The following JAK2 variants were observed in gnomAD, a reference collection of about 807,000 sequenced individuals.
JAK2 encodes the protein Janus kinase 2.
JAK2 carries 86 observed loss-of-function variants against 139.3 expected under a neutral mutation model. The ratio of observed to expected loss-of-function variants is 0.62; its 90% CI spans 0.52 to 0.74. JAK2 has a LOEUF of 0.74. Ranked by LOEUF, JAK2 falls within the 30% of genes least tolerant of loss-of-function variation. JAK2 has a pLI of 0.00. For synonymous variants in JAK2, 490 were observed against 437.7 expected (o/e 1.12, Z -1.49); for missense variants, 1,421 against 1,360.3 (o/e 1.04, Z -0.70).
At chr9:4,995,084 C>G (rs1158921800) in intron 2 of JAK2, among the ~76,000 whole-genome samples, 1 of 152,152 alleles carries the variant, frequency 6.6e-6, no homozygotes, top group Non-Finnish European at 1.5e-5. Context: ...CCTTTACTAA[C>G]ATTGTGTTTT....
chr9:5,045,724 C>A (rs1413460078), intron 5 of JAK2, among the ~76,000 whole-genome samples: 1 of 152,160 alleles, frequency 6.6e-6, no homozygotes, highest in African/African-American at 2.4e-5. Context: ...CAGGTTCATC[C>A]ATGTTGTAGC....
rs1383887415 is a variant in JAK2 at position 5,050,797 on chromosome 9, G to A, written c.580G>A (p.Asp194Asn). The change falls in exon 6 of 25, where the codon GAT becomes AAT. Residue 194 changes from aspartate (D) to asparagine (N), a missense_variant. Asp to Asn is a conservative substitution (Grantham distance 23). Transcript: ENST00000381652. ...TATGATGAGAATAGCCAAAGAAAAC[G>A]ATCAAACCCCACTGGCCATCTATAA... The part of the protein sequence containing the change: ...LDMMRIAKEN[D>N]QTPLAIYNSI... The A allele has an allele frequency of 3.7e-6, 6 of 1,613,560 alleles. No individual in the cohort carries two copies. The highest frequency in any genetic ancestry group is 1.7e-5 in the Admixed American group (1 of 59,942).
chr9:5,044,490 T>G lies in JAK2; in HGVS notation c.438T>G (p.Asp146Glu). The change falls in exon 5 of 25, where the codon GAT (aspartate) becomes GAG (glutamate). Residue 146 changes from aspartate to glutamate, a missense_variant. Physicochemically the swap from Asp to Glu is conservative, Grantham distance 45. Coordinates refer to ENST00000381652, the MANE Select transcript of JAK2 (RefSeq NM_004972.4). The part of the protein sequence containing the change: ...ISRGAEAPLL[D>E]DFVMSYLFAQ... ...GAGGTGCTGAAGCTCCTCTTCTTGA[T>G]GACTTTGTCATGTCTTACCTCTTTG... 6.2e-7 allele frequency: 1 copy of G among 1,611,230 alleles called. No individual in the cohort carries two copies. The highest frequency in any genetic ancestry group is 8.5e-7 in the Non-Finnish European group (1 of 1,178,044).
At chr9:5,114,394 T>G (rs1822947030) in intron 22 of JAK2, 1 of 516,014 alleles carries the variant, frequency 1.9e-6, no homozygotes, top group Non-Finnish European at 3.8e-6. Flanking sequence ...ACCCTGCTGG[T>G]GGGCACCAGA....
At chr9:5,085,891 G>T in intron 19 of JAK2, 1 of 838,410 alleles carries the variant, frequency 1.2e-6, no homozygotes, top group Non-Finnish European at 2.1e-6. Context: ...GATATGAGCG[G>T]TTCCTTTCTA....
intron 4 of JAK2, among the ~76,000 whole-genome samples, chr9:5,033,933 G>A (rs138051176): frequency 6.6e-6 from 1 of 152,126 alleles, no homozygotes; most frequent in African/African-American, 2.4e-5. Context: ...CCAATTAAAA[G>A]ACACAGACTG....
chr9:5,125,625 T>C (rs1404054784), intron 23 of JAK2, among the ~76,000 whole-genome samples: 1 of 151,588 alleles, frequency 6.6e-6, no homozygotes, highest in Admixed American at 6.6e-5. Context: ...CAGCAATGCA[T>C]AGGGATGTAC....
At chr9:5,118,381 T>C (rs188498123) in intron 22 of JAK2, among the ~76,000 whole-genome samples, 1 of 152,220 alleles carries the variant, frequency 6.6e-6, no homozygotes, top group Non-Finnish European at 1.5e-5. Flanking sequence ...AACCAAGATA[T>C]GTATATAAGT....
chr9:5,007,178 C>G (rs1199630694), intron 2 of JAK2, among the ~76,000 whole-genome samples: 1 of 151,948 alleles, frequency 6.6e-6, no homozygotes. Flanking sequence ...GTTGCAACTT[C>G]TTGAAATGAA....
chr9:5,041,766 C>T (rs753653509), intron 4 of JAK2: 1 of 489,084 alleles, frequency 2.0e-6, no homozygotes. Flanking sequence ...CCACACCGAC[C>T]TGCCCTCCCA....
intron 2 of JAK2, among the ~76,000 whole-genome samples, chr9:5,002,625 G>A (rs1280569982): frequency 6.6e-6 from 1 of 151,876 alleles, no homozygotes; most frequent in Non-Finnish European, 1.5e-5. Context: ...ATTGTGTTCT[G>A]TAAATGTCAG....
At chr9:4,999,301 T>A (rs1227806794) in intron 2 of JAK2, among the ~76,000 whole-genome samples, 1 of 152,220 alleles carries the variant, frequency 6.6e-6, no homozygotes, top group Non-Finnish European at 1.5e-5. Flanking sequence ...AGTGAAAGAA[T>A]CATGACATTG....
At chr9:5,117,433 G>C (rs1473218424) in intron 22 of JAK2, among the ~76,000 whole-genome samples, 1 of 151,948 alleles carries the variant, frequency 6.6e-6, no homozygotes, top group East Asian at 1.9e-4. Context: ...GGGACTTTAG[G>C]GTGTCTGTGA....
intron 2 of JAK2, among the ~76,000 whole-genome samples, chr9:5,005,083 A>ATTTTTTTTTTT (rs527982744): frequency 5.0e-5 from 2 of 40,034 alleles, no homozygotes; most frequent in African/African-American, 1.0e-4. Flanking sequence ...TGCCTGGCTA[A>ATTTTTTTTTTT]TTTTTTTTTT....
At position 5,069,210 on chromosome 9, in the gene JAK2, T is replaced by G; in HGVS notation, c.1513+2T>G. ...AATGCTGTCCCCCAAAGCCAAAAGGTAAGATAATTTTCTAGTTATTTTTAA... is the reference window on the plus strand; with the variant it reads ...AATGCTGTCCCCCAAAGCCAAAAGGGAAGATAATTTTCTAGTTATTTTTAA... On this transcript the variant is annotated splice_donor_variant, in intron 11 of 24. Coordinates refer to ENST00000381652, the MANE Select transcript of JAK2 (RefSeq NM_004972.4). LOFTEE classifies it high-confidence loss of function. 6.3e-7 allele frequency: 1 copy of G among 1,589,316 alleles called. No individual in the cohort carries two copies. The highest frequency in any genetic ancestry group is 8.6e-7 in the Non-Finnish European group (1 of 1,166,562).
intron 10 of JAK2, 71 bp downstream of exon 10, chr9:5,066,860 C>T: frequency 3.2e-6 from 2 of 615,544 alleles, no homozygotes. Flanking sequence ...TATTTATTTA[C>T]CATATTTCCT....
rs774495851 is a variant in JAK2 at position 5,089,710 on chromosome 9, C to T, written c.2608C>T (p.Pro870Ser). The T allele has an allele frequency of 2.0e-6, 3 of 1,520,036 alleles. No homozygotes were observed. The highest frequency in any genetic ancestry group is 2.6e-6 in the Non-Finnish European group (3 of 1,132,220). 94.2% of individuals were successfully genotyped at this position (1,520,036 alleles called of 1,614,324 possible). A position where few individuals can be genotyped will look rare whatever the true frequency, so the allele number is the denominator to read the frequency against. ...GAGTGTGGAGATGTGCCGGTATGAC[C>T]CTCTACAGGACAACACTGGGGAGGT... ...FGSVEMCRYDPLQDNTGEVVA... is the reference protein window; with the variant it reads ...FGSVEMCRYDSLQDNTGEVVA... Residue 870 changes from proline (P) to serine (S), a missense_variant, in exon 20 of 25, where the codon CCT (proline) becomes TCT (serine). Transcript: ENST00000381652.
chr9:5,067,333 A>G (rs1338851658), intron 10 of JAK2, among the ~76,000 whole-genome samples: 1 of 152,190 alleles, frequency 6.6e-6, no homozygotes, highest in African/African-American at 2.4e-5. Flanking sequence ...CACTGTTAAT[A>G]CAGATCATTT....
rs1456040406 is a variant in JAK2 at position 5,081,798 on chromosome 9, T to A, written c.2508T>A (p.Phe836Leu). Residue 836 changes from phenylalanine to leucine, a missense_variant, in exon 19 of 25, where the codon TTT (phenylalanine) becomes TTA (leucine). By Grantham distance (22) the Phe-to-Leu change is conservative. Transcript: ENST00000381652. Reference sequence around the variant, plus strand: ...GTGCCCTGGGGTTTTCTGGTGCCTTTGAAGACCGGGATCCTACACAGTTTG... The same window carrying A: ...GTGCCCTGGGGTTTTCTGGTGCCTTAGAAGACCGGGATCCTACACAGTTTG... ...RIGALGFSGA[F>L]EDRDPTQFEE... 6.2e-7 allele frequency: 1 copy of A among 1,612,658 alleles called. No homozygotes were observed. The highest frequency in any genetic ancestry group is 8.5e-7 in the Non-Finnish European group (1 of 1,178,668).
Sources: allele counts gnomAD v4.1 joint callset (sites outside exome capture counted in the v4.1 genomes callset), GRCh38; gene constraint gnomAD v4.1.1; transcripts MANE v1.5; gene names NCBI Gene and HGNC (gene_info 2026-07-23, HGNC 2026-07-21).